Variants in GNAL observed in about 807,000 individuals in gnomAD.
The protein encoded by GNAL is G protein subunit alpha L.
In GNAL, 18 loss-of-function variants were observed where a neutral mutation model predicts 55.1. The observed-to-expected ratio is 0.33, with a 90% confidence interval of 0.23 to 0.48. The LOEUF (loss-of-function observed/expected upper bound fraction) is 0.48. Among genes scored for constraint, GNAL ranks in the 20% least tolerant of loss-of-function variants. The pLI, the probability that GNAL is intolerant of heterozygous loss-of-function variation, is 0.99. For synonymous variants in GNAL, 253 were observed against 237.0 expected (o/e 1.07, Z -0.62); for missense variants, 412 against 614.1 (o/e 0.67, Z 3.48).
chr18:11,783,443 A>C (rs73401826), intron 4 of GNAL, among the ~76,000 whole-genome samples: 20,006 of 152,246 alleles, frequency 0.13, 1,992 homozygotes, highest in African/African-American at 0.28. Context: ...GGAAGAAAAA[A>C]ATTATTAAAT....
intron 4 of GNAL, among the ~76,000 whole-genome samples, chr18:11,757,873 A>G (rs941765437): frequency 3.3e-5 from 5 of 152,050 alleles, no homozygotes; most frequent in African/African-American, 9.7e-5. Context: ...GGCGGCTTCA[A>G]GGTCACCGGT....
chr18:11,780,239 C>G (rs1477483), intron 4 of GNAL, among the ~76,000 whole-genome samples: 69,030 of 151,968 alleles, frequency 0.45, 19,884 homozygotes, highest in African/African-American at 0.82. Flanking sequence ...GAAGTAGAGG[C>G]ATTTTTGCAT....
chr18:11,880,244 G>A (rs978926655), intron 11 of GNAL, among the ~76,000 whole-genome samples: 33 of 137,394 alleles, frequency 2.4e-4, no homozygotes, highest in Non-Finnish European at 3.0e-4. Context: ...GGGACACAGC[G>A]AGACTCCATC....
intron 4 of GNAL, among the ~76,000 whole-genome samples, chr18:11,822,276 TC>T (rs961974013): frequency 5.3e-5 from 8 of 150,568 alleles, no homozygotes; most frequent in African/African-American, 1.5e-4. Context: ...TCCCTTCCCA[TC>T]CCCCCCACCG....
At chr18:11,746,920 T>C (rs1217773859) in intron 1 of GNAL, 1 of 539,100 alleles carries the variant, frequency 1.9e-6, no homozygotes, top group Non-Finnish European at 3.8e-6. Flanking sequence ...CCTTGGAAAC[T>C]TAGGACATTA....
chr18:11,834,040 A>G (rs1568048807), intron 5 of GNAL, among the ~76,000 whole-genome samples: 1 of 152,228 alleles, frequency 6.6e-6, no homozygotes, highest in Non-Finnish European at 1.5e-5. Context: ...GCAGAACCAA[A>G]TGCAATTTAT....
At chr18:11,814,671 T>C (rs2034906632) in intron 4 of GNAL, among the ~76,000 whole-genome samples, 1 of 152,004 alleles carries the variant, frequency 6.6e-6, no homozygotes, top group Non-Finnish European at 1.5e-5. Flanking sequence ...CCAAAGCAGG[T>C]GGATCACTTG....
Position 11,885,555 on chromosome 18 carries a change from G to A in GNAL, c.*4420G>A, listed in dbSNP as rs1405895521. 3 of 1,218,096 alleles carry A rather than the reference G, an allele frequency of 2.5e-6. No individual in the cohort carries two copies. The highest frequency in any genetic ancestry group is 3.5e-6 in the Non-Finnish European group (3 of 860,652). The allele number at this position is 1,218,096 out of a possible 1,614,324, so 75.5% of individuals were successfully genotyped here. On this transcript the variant is annotated 3_prime_UTR_variant, in exon 12 of 12. Coordinates refer to ENST00000334049, the MANE Select transcript of GNAL (RefSeq NM_182978.4). ...GCAGTGTATGGAGCTACGTGTAGAA[G>A]GAGAGAAATTTGTGTGTGGCTTTTG... is the stretch of plus-strand genomic sequence containing the variant.
intron 4 of GNAL, among the ~76,000 whole-genome samples, chr18:11,818,387 G>C (rs1249625233): frequency 6.6e-6 from 1 of 152,170 alleles, no homozygotes; most frequent in African/African-American, 2.4e-5. Context: ...AAATGTATCA[G>C]ACCTAAACTC....
intron 9 of GNAL, 81 bp from the exon 10 acceptor site, chr18:11,872,187 T>C (rs1212796472): frequency 3.4e-6 from 3 of 871,336 alleles, no homozygotes; most frequent in Non-Finnish European, 5.3e-6. Flanking sequence ...TGGTATTCTT[T>C]TAATTTAGCA....
intron 4 of GNAL, among the ~76,000 whole-genome samples, chr18:11,791,598 C>G (rs916561529): frequency 1.3e-5 from 2 of 152,154 alleles, no homozygotes; most frequent in African/African-American, 2.4e-5. Flanking sequence ...ATACTAAGCT[C>G]AGATAGTAAA....
At chr18:11,723,817 C>T (rs533017312) in intron 1 of GNAL, among the ~76,000 whole-genome samples, 1 of 152,320 alleles carries the variant, frequency 6.6e-6, no homozygotes, top group South Asian at 2.1e-4. Flanking sequence ...TAGTGGGTGG[C>T]ACAGTACAGG....
At position 11,884,410 on chromosome 18, in the gene GNAL, T is replaced by C. The variant is rs767400436; in HGVS notation, c.*3275T>C. ...CATGATCTCTGCCCAAAGTTCCATTTCTTGGGCTTTGATATTTATAATGGC... is the reference window on the plus strand; with the variant it reads ...CATGATCTCTGCCCAAAGTTCCATTCCTTGGGCTTTGATATTTATAATGGC... On this transcript the variant is annotated 3_prime_UTR_variant, in exon 12 of 12. Transcript: ENST00000334049. The C allele has an allele frequency of 1.9e-6, 3 of 1,600,886 alleles. No homozygotes were observed. Among genetic ancestry groups the C allele is most frequent in the Non-Finnish European group, 8.5e-7 (1 of 1,170,288 alleles).
At chr18:11,824,194 A>G (rs1472546714) in intron 4 of GNAL, among the ~76,000 whole-genome samples, 1 of 151,752 alleles carries the variant, frequency 6.6e-6, no homozygotes, top group Non-Finnish European at 1.5e-5. Flanking sequence ...CTCACATAGA[A>G]AACGTAAAAG....
At chr18:11,788,908 AAAAAAAAT>A (rs1235004797) in intron 4 of GNAL, among the ~76,000 whole-genome samples, 2 of 73,318 alleles carry the variant, frequency 2.7e-5, no homozygotes, top group East Asian at 4.8e-4. Context: ...AAAAAAAAAA[AAAAAAAAT>A]ATATATATAT....
At chr18:11,822,017 G>A (rs2035106939) in intron 4 of GNAL, among the ~76,000 whole-genome samples, 1 of 152,266 alleles carries the variant, frequency 6.6e-6, no homozygotes, top group Non-Finnish European at 1.5e-5. Context: ...AAGGGCATCT[G>A]ATAGGAGCCT....
At chr18:11,694,172 C>A (rs912721019) in intron 1 of GNAL, among the ~76,000 whole-genome samples, 9 of 152,066 alleles carry the variant, frequency 5.9e-5, no homozygotes, top group African/African-American at 1.9e-4. Flanking sequence ...TCACTCCATG[C>A]CTGCTAGTGT....
At chr18:11,830,375 C>T (rs910924922) in intron 5 of GNAL, among the ~76,000 whole-genome samples, 1 of 150,592 alleles carries the variant, frequency 6.6e-6, no homozygotes, top group Admixed American at 6.7e-5. Context: ...CAACCTCCAC[C>T]TCCCGGGTTC....
At chr18:11,742,690 C>A (rs562794352) in intron 1 of GNAL, among the ~76,000 whole-genome samples, 1 of 152,338 alleles carries the variant, frequency 6.6e-6, no homozygotes, top group African/African-American at 2.4e-5. Context: ...GCAGTGCCTT[C>A]TCACCTTAAA....
Sources: gnomAD v4.1 joint callset for allele counts (sites outside exome capture counted in the v4.1 genomes callset) on GRCh38, gnomAD v4.1.1 for gene constraint, MANE v1.5 for transcripts, NCBI Gene and HGNC (gene_info 2026-07-23, HGNC 2026-07-21) for gene names.